The following ZNF526 variants were observed in gnomAD, a reference collection of about 807,000 sequenced individuals.
The protein encoded by ZNF526 is zinc finger protein 526.
ZNF526 carries 16 observed loss-of-function variants against 32.4 expected under a neutral mutation model. The observed-to-expected ratio is 0.49, with a 90% CI of 0.33 to 0.75. The LOEUF (loss-of-function observed/expected upper bound fraction) is 0.75, where lower values mean the gene tolerates loss of function less well. Among genes scored for constraint, ZNF526 ranks in the 30% least tolerant of loss-of-function variants. The pLI is 0.02. For synonymous variants in ZNF526, 355 were observed against 363.4 expected, an observed-to-expected ratio of 0.98 and a Z score of 0.26; for missense variants, 838 against 920.7, an observed-to-expected ratio of 0.91 and a Z score of 1.16.
Position 42,222,263 on chromosome 19 carries a change from T to A in ZNF526, c.-109+1876T>A, listed in dbSNP as rs1398634928. On this transcript the variant is annotated intron_variant, in intron 1 of 2. Transcript: ENST00000301215. The stretch of plus-strand genomic sequence containing the variant: ...CACCACGCCCAGCTAATTTTTGTAT[T>A]TTTTTTAGTAGAGACGGGGTTTCAT... Among the ~76,000 whole-genome samples the A allele has an allele frequency of 4.0e-5, 6 of 151,860 alleles. No individual in the cohort carries two copies. The East Asian group carries it at 5.8e-4, about 15-fold the overall frequency.
At chr19:42,223,468 T>C (rs896347894) in intron 1 of ZNF526, among the ~76,000 whole-genome samples, 22 of 152,012 alleles carry the variant, frequency 1.4e-4, no homozygotes, top group African/African-American at 5.3e-4. Flanking sequence ...GGTGAAACCC[T>C]GTCTCTACTA....
rs962041845 is a variant in ZNF526 at position 42,223,815 on chromosome 19, CAAAAAAAA to C, written c.-108-384_-108-377del. 3.3e-4 allele frequency among the ~76,000 whole-genome samples: 11 copies of C among 32,918 alleles called. No individual in the cohort carries two copies. In the East Asian group the frequency reaches 6.7e-3, roughly 20 times the overall value. The allele number at this position is 32,918 out of a possible 152,430, so 21.6% of individuals were successfully genotyped here. A position where few individuals can be genotyped will look rare whatever the true frequency, so the allele number is the denominator to read the frequency against. On this transcript the variant is annotated intron_variant, in intron 1 of 2. Coordinates refer to ENST00000301215, the MANE Select transcript of ZNF526 (RefSeq NM_133444.3). ...CTGGCAACAGAGCAAGAGTCCATCT[CAAAAAAAA>C]AAAAAAAAAAAAAAAGAGGCCGGGC...
In ZNF526 at chr19:42,226,140, C is replaced by T. The variant is rs2036177887; in HGVS notation, c.1737C>T (p.Gly579=). The T allele has an allele frequency of 1.9e-6, 3 of 1,606,614 alleles. No individual in the cohort carries two copies. In the East Asian group the frequency reaches 6.7e-5, roughly 36 times the overall value. The change falls in exon 3 of 3, where the codon GGC becomes GGT. Residue 579 remains glycine, a synonymous_variant. Coordinates refer to ENST00000301215, the MANE Select transcript of ZNF526 (RefSeq NM_133444.3). The part of the protein sequence containing the change: ...NKSPYYCGTC[G]RWFRAMAGLR... ...GTCCCTACTACTGCGGGACTTGTGGCCGCTGGTTCCGCGCCATGGCGGGCT... is the reference window on the plus strand; with the variant it reads ...GTCCCTACTACTGCGGGACTTGTGGTCGCTGGTTCCGCGCCATGGCGGGCT...
rs368090533 is a variant in ZNF526, at chr19:42,226,217, C to G, written c.1814C>G (p.Pro605Arg). The G allele has an allele frequency of 7.4e-6, 12 of 1,612,232 alleles. No individual in the cohort carries two copies. In the East Asian group the frequency reaches 1.3e-4, roughly 18 times the overall value. ...HARARTLTLQ[P>R]PRSPSPAPPP... ...CGAGCTCGGACTTTGACGCTACAGC[C>G]TCCCAGATCACCATCTCCTGCCCCA... The change falls in exon 3 of 3, where the codon CCT (proline) becomes CGT (arginine). Residue 605 changes from proline (P) to arginine (R), a missense_variant. By Grantham distance (103) the Pro-to-Arg change is moderately radical. Transcript: ENST00000301215.
chr19:42,228,201 TA>T (rs375259927), downstream of ZNF526: 677 of 134,590 alleles, frequency 5.0e-3, 1 homozygote, highest in Middle Eastern at 7.4e-3. Flanking sequence ...CCCTGTCACT[TA>T]AAAAAAAAAA....
At position 42,225,504 on chromosome 19, in the gene ZNF526, C is replaced by T. The variant is rs1469365551; in HGVS notation, c.1101C>T (p.Arg367=). 5.0e-6 allele frequency: 8 copies of T among 1,613,828 alleles called. No individual in the cohort carries two copies. In the African/African-American group the frequency reaches 6.7e-5, roughly 13 times the overall value. The change falls in exon 3 of 3, where the codon CGC becomes CGT. Residue 367 remains arginine (R), a synonymous_variant. Transcript: ENST00000301215. Reference sequence around the variant, plus strand: ...GCTACCTCTGTGTAGACTGTGGCCGCGGCTTTGGCACAGAACTCACGTTGG... The same window carrying T: ...GCTACCTCTGTGTAGACTGTGGCCGTGGCTTTGGCACAGAACTCACGTTGG... The part of the protein sequence containing the change: ...EARYLCVDCG[R]GFGTELTLVA...
chr19:42,221,587 C>T (rs1481210496), intron 1 of ZNF526, among the ~76,000 whole-genome samples: 1 of 151,824 alleles, frequency 6.6e-6, no homozygotes, highest in Non-Finnish European at 1.5e-5. Flanking sequence ...GAGCCGAGAT[C>T]GTGCCACTGC....
Position 42,225,805 on chromosome 19 carries a change from C to G in ZNF526, c.1402C>G (p.Pro468Ala), listed in dbSNP as rs780381672. ...SRHRRAVHGP[P>A]ERRHRCGVCG... ...GCACCGGCGTGCAGTACACGGGCCC[C>G]CTGAACGGCGTCACCGCTGTGGGGT... The change falls in exon 3 of 3, where the codon CCT (proline) becomes GCT (alanine). Residue 468 changes from proline to alanine, a missense_variant. Coordinates refer to ENST00000301215, the MANE Select transcript of ZNF526 (RefSeq NM_133444.3). 1 of 1,613,764 alleles carries G rather than the reference C, an allele frequency of 6.2e-7. No homozygotes were observed. The highest frequency in any genetic ancestry group is 1.3e-5 in the African/African-American group (1 of 74,924).
intron 1 of ZNF526, among the ~76,000 whole-genome samples, chr19:42,221,497 G>T (rs1438038000): frequency 1.3e-5 from 2 of 152,040 alleles, no homozygotes; most frequent in Non-Finnish European, 2.9e-5. Flanking sequence ...TCCAGGCGTG[G>T]TGGTGAATGC....
In ZNF526 at chr19:42,226,560, C is replaced by G. The variant is rs1045595423; in HGVS notation, c.*144C>G. On this transcript the variant is annotated 3_prime_UTR_variant, in exon 3 of 3. Coordinates refer to ENST00000301215, the MANE Select transcript of ZNF526 (RefSeq NM_133444.3). The stretch of plus-strand genomic sequence containing the variant: ...CTGGCCTCTTTTTACCCACTGACTC[C>G]CCAGAACAACCCTTCCAGGCTTCTC... 8 of 1,008,554 alleles carry G rather than the reference C, an allele frequency of 7.9e-6. No individual in the cohort carries two copies. The African/African-American group carries it at 1.3e-4, about 16-fold the overall frequency. 62.5% of individuals were successfully genotyped at this position (1,008,554 alleles called of 1,614,324 possible). A position where few individuals can be genotyped will look rare whatever the true frequency, so the allele number is the denominator to read the frequency against.
chr19:42,226,777 T>G lies in ZNF526; in HGVS notation c.*361T>G. On this transcript the variant is annotated 3_prime_UTR_variant, in exon 3 of 3. Coordinates refer to ENST00000301215, the MANE Select transcript of ZNF526 (RefSeq NM_133444.3). ...CAGGTCTGTGCTGGCCACTCTCATA[T>G]ACCTCTTCAGATCCTCTGCTTGTAC... 7.7e-6 allele frequency: 3 copies of G among 391,614 alleles called. No homozygotes were observed. Among genetic ancestry groups the G allele is most frequent in the Non-Finnish European group, 1.5e-5 (3 of 196,672 alleles). 24.3% of individuals were successfully genotyped at this position (391,614 alleles called of 1,614,324 possible).
chr19:42,226,128 C>A lies in ZNF526; in HGVS notation c.1725C>A (p.Cys575Ter). ...TCTACAACAAGAGTCCCTACTACTG[C>A]GGGACTTGTGGCCGCTGGTTCCGCG... is the stretch of plus-strand genomic sequence containing the variant. Reference protein sequence around the residue: ...TGLYNKSPYYCGTCGRWFRAM... With the variant: ...TGLYNKSPYY Residue 575 changes from cysteine (C) to a stop codon, truncating the protein, a stop_gained, in exon 3 of 3, where the codon TGC becomes TGA. Coordinates refer to ENST00000301215, the MANE Select transcript of ZNF526 (RefSeq NM_133444.3). LOFTEE classifies it high-confidence loss of function. 1 of 1,606,282 alleles carries A rather than the reference C, an allele frequency of 6.2e-7. No individual in the cohort carries two copies. Among genetic ancestry groups the A allele is most frequent in the Non-Finnish European group, 8.5e-7 (1 of 1,179,998 alleles).
At chr19:42,224,154 G>A (rs2036148891) in intron 1 of ZNF526, 61 bp from the exon 2 acceptor site, 2 of 476,582 alleles carry the variant, frequency 4.2e-6, no homozygotes, top group Non-Finnish European at 7.6e-6. Context: ...CCAAGTCTCT[G>A]TCTCAGAAGA....
intron 1 of ZNF526, among the ~76,000 whole-genome samples, chr19:42,223,206 G>A (rs1438471100): frequency 6.6e-6 from 1 of 152,224 alleles, no homozygotes; most frequent in Admixed American, 6.5e-5. Context: ...GGCCCTCTCG[G>A]TAAAGAGGCC....
At chr19:42,223,885 G>A (rs1266135455) in intron 1 of ZNF526, among the ~76,000 whole-genome samples, 2 of 146,282 alleles carry the variant, frequency 1.4e-5, no homozygotes, top group Non-Finnish European at 3.0e-5. Context: ...TGTAATCCCA[G>A]CACTTTGGGA....
At chr19:42,222,602 T>TG (rs1254018879) in intron 1 of ZNF526, among the ~76,000 whole-genome samples, 2 of 152,260 alleles carry the variant, frequency 1.3e-5, no homozygotes, top group South Asian at 4.1e-4. Context: ...GAAGGGAAGA[T>TG]GGGGCATATA....
Position 42,224,177 on chromosome 19 carries a change from A to G in ZNF526, c.-108-38A>G. ...CTGTCTCAGAAGAAAAAAAAAAAAA[A>G]AAAAGAGGCTGGGCTGAGTGGTGTT... On this transcript the variant is annotated intron_variant, in intron 1 of 2. Transcript: ENST00000301215. 5.5e-6 allele frequency: 3 copies of G among 541,158 alleles called. No individual in the cohort carries two copies. The South Asian group carries it at 6.3e-5, about 11-fold the overall frequency. 33.5% of individuals were successfully genotyped at this position (541,158 alleles called of 1,614,324 possible).
At position 42,224,399 on chromosome 19, in the gene ZNF526, C is replaced by T. The variant is rs549403687; in HGVS notation, c.-5C>T. The T allele has an allele frequency of 1.2e-6, 2 of 1,614,038 alleles. No homozygotes were observed. The highest frequency in any genetic ancestry group is 8.5e-7 in the Non-Finnish European group (1 of 1,179,948). On this transcript the variant is annotated 5_prime_UTR_variant, in exon 3 of 3. Coordinates refer to ENST00000301215, the MANE Select transcript of ZNF526 (RefSeq NM_133444.3). The stretch of plus-strand genomic sequence containing the variant: ...CCTCTTTCTCCAGGCACTGCCTTCC[C>T]CACAATGGCAGAGGTGGTGGCTGAG...
Position 42,224,726 on chromosome 19 carries a change from T to C in ZNF526, c.323T>C (p.Phe108Ser), listed in dbSNP as rs762730287. The stretch of plus-strand genomic sequence containing the variant: ...CTGGTGCCGGGTGCTGAGGGGCCCT[T>C]CCAGTGTGGTGAATGCAGCCAGCTC... ...PELVPGAEGP[F>S]QCGECSQLIL... Residue 108 changes from phenylalanine (F) to serine (S), a missense_variant, in exon 3 of 3, where the codon TTC (phenylalanine) becomes TCC (serine). Phe to Ser is a radical substitution (Grantham distance 155). Coordinates refer to ENST00000301215, the MANE Select transcript of ZNF526 (RefSeq NM_133444.3). The C allele has an allele frequency of 9.9e-6, 16 of 1,613,906 alleles. No individual in the cohort carries two copies. The highest frequency in any genetic ancestry group is 9.3e-5 in the African/African-American group (7 of 74,888).
Sources: allele counts gnomAD v4.1 joint callset (sites outside exome capture counted in the v4.1 genomes callset), GRCh38; gene constraint gnomAD v4.1.1; transcripts MANE v1.5; gene names NCBI Gene and HGNC (gene_info 2026-07-23, HGNC 2026-07-21).